Variants in CCDC198 observed in about 807,000 individuals in gnomAD.
The protein encoded by CCDC198 is factor associated with metabolism and energy.
A neutral mutation model predicts 35.6 loss-of-function variants in CCDC198; 18 were observed. That is an observed-to-expected ratio of 0.51 (90% CI 0.35 to 0.75). The LOEUF is 0.75. Ranked by LOEUF, CCDC198 falls within the 30% of genes least tolerant of loss-of-function variation. The pLI is 0.01. For synonymous variants in CCDC198, 119 were observed against 113.4 expected, an observed-to-expected ratio of 1.05 and a Z score of -0.31; for missense variants, 365 against 343.7, an observed-to-expected ratio of 1.06 and a Z score of -0.49.
rs1395195029 is a variant in CCDC198, at chr14:57,469,799, G to A, written c.*1556C>T. The stretch of plus-strand genomic sequence containing the variant: ...TTTTATCACCTGACATCTCAGGCTT[G>A]TTATCTTCTTAGTTTCTGATGTGAA... On this transcript the variant is annotated 3_prime_UTR_variant, in exon 6 of 6. Transcript: ENST00000216445. The A allele has an allele frequency of 6.6e-6, 1 of 152,154 alleles. No homozygotes were observed. The highest frequency in any genetic ancestry group is 1.5e-5 in the Non-Finnish European group (1 of 68,020). The allele number at this position is 152,154 out of a possible 1,614,324, so 9.4% of individuals were successfully genotyped here.
intron 2 of CCDC198, among the ~76,000 whole-genome samples, chr14:57,487,469 A>G (rs947767904): frequency 1.7e-4 from 26 of 152,260 alleles, no homozygotes; most frequent in African/African-American, 5.5e-4. Flanking sequence ...AGGACACACT[A>G]TATGTGTGGG....
rs1029215881 is a variant in CCDC198 at position 57,491,089 on chromosome 14, G to C, written c.224-18C>G. The C allele has an allele frequency of 6.2e-7, 1 of 1,606,198 alleles. No individual in the cohort carries two copies. Among genetic ancestry groups the C allele is most frequent in the Non-Finnish European group, 8.5e-7 (1 of 1,175,056 alleles). ...TCTGGATGCTTGAAGGATTGGGGAA[G>C]AAACAGGAATAAAACATTAAATATA... is the stretch of plus-strand genomic sequence containing the variant. On this transcript the variant is annotated intron_variant, in intron 1 of 5. Transcript: ENST00000216445.
chr14:57,477,918 G>T (rs1000941078), intron 5 of CCDC198, among the ~76,000 whole-genome samples: 1 of 152,050 alleles, frequency 6.6e-6, no homozygotes, highest in African/African-American at 2.4e-5. Context: ...AGCTGATCTC[G>T]AACCCCTGAC....
chr14:57,493,619 AG>A lies in CCDC198; in HGVS notation c.96del (p.Phe33LeufsTer80), dbSNP rs2067652063. On this transcript the variant is annotated frameshift_variant, in exon 1 of 6. Coordinates refer to ENST00000216445, the MANE Select transcript of CCDC198 (RefSeq NM_018168.4). LOFTEE classifies it high-confidence loss of function. Reference protein sequence around the residue: ...EVETPSAGRVDFAFNQNLEEK... With the variant: ...EVETPSAGRVXFAFNQNLEEK... ...TCTTCCAAATTCTGATTGAATGCAA[AG>A]TCCACACGGCCAGCCGAGGGAGTCT... The A allele has an allele frequency of 6.2e-7, 1 of 1,613,862 alleles. No homozygotes were observed. The highest frequency in any genetic ancestry group is 8.5e-7 in the Non-Finnish European group (1 of 1,179,934).
At chr14:57,473,487 C>T (rs1304445314) in intron 5 of CCDC198, among the ~76,000 whole-genome samples, 1 of 152,162 alleles carries the variant, frequency 6.6e-6, no homozygotes, top group East Asian at 1.9e-4. Context: ...TACCTGGCCT[C>T]CTTACCCTCT....
intron 2 of CCDC198, among the ~76,000 whole-genome samples, chr14:57,486,939 A>G (rs943614104): frequency 2.0e-5 from 3 of 152,158 alleles, no homozygotes; most frequent in Admixed American, 6.6e-5. Flanking sequence ...CTATTCCTTC[A>G]CAAAAGCCAC....
rs1413755497 is a variant in CCDC198 at position 57,481,051 on chromosome 14, A to G, written c.496-297T>C. On this transcript the variant is annotated intron_variant, in intron 4 of 5. Coordinates refer to ENST00000216445, the MANE Select transcript of CCDC198 (RefSeq NM_018168.4). ...TGATATGATTGGAGTTCCAGAGAGC[A>G]GTAACTAAAGGCTCATTTCCTAGAG... Among the ~76,000 whole-genome samples, 8 of 152,360 alleles carry G rather than the reference A, an allele frequency of 5.3e-5. No homozygotes were observed. The East Asian group carries it at 1.2e-3, about 22-fold the overall frequency.
intron 5 of CCDC198, chr14:57,478,995 C>A (rs1167037179): frequency 1.6e-6 from 2 of 1,289,116 alleles, no homozygotes; most frequent in Admixed American, 4.6e-5. Flanking sequence ...TGTGTGTGAA[C>A]AATATTGGAA....
intron 5 of CCDC198, chr14:57,478,641 T>C (rs1252283778): frequency 2.0e-6 from 2 of 995,612 alleles, no homozygotes; most frequent in African/African-American, 3.5e-5. Flanking sequence ...TGTCTAACTT[T>C]AGGTGAGGTT....
chr14:57,491,183 A>G (rs2067555268), intron 1 of CCDC198, 112 bp from the exon 2 acceptor site: 2 of 1,041,426 alleles, frequency 1.9e-6, no homozygotes, highest in Non-Finnish European at 2.8e-6. Flanking sequence ...CTTTTCAGTT[A>G]TATATGTCTA....
intron 1 of CCDC198, 57 bp downstream of exon 1, chr14:57,493,436 T>C (rs570711798): frequency 7.1e-7 from 1 of 1,407,252 alleles, no homozygotes; most frequent in African/African-American, 1.4e-5. Flanking sequence ...CAGATAAACC[T>C]ATTAATAATG....
intron 5 of CCDC198, among the ~76,000 whole-genome samples, chr14:57,479,475 C>G (rs2067112206): frequency 6.6e-6 from 1 of 152,120 alleles, no homozygotes; most frequent in South Asian, 2.1e-4. Flanking sequence ...GTCAGATTTG[C>G]ATTTTATGAG....
At chr14:57,477,486 T>TCAAA (rs2067040642) in intron 5 of CCDC198, among the ~76,000 whole-genome samples, 1 of 150,864 alleles carries the variant, frequency 6.6e-6, no homozygotes, top group South Asian at 2.1e-4. Context: ...CACGTGTATC[T>TCAAA]CACACACACA....
chr14:57,493,670 C>G lies in CCDC198; in HGVS notation c.46G>C (p.Ala16Pro). 6.2e-7 allele frequency: 1 copy of G among 1,613,812 alleles called. No homozygotes were observed. The highest frequency in any genetic ancestry group is 8.5e-7 in the Non-Finnish European group (1 of 1,179,886). The change falls in exon 1 of 6, where the codon GCA (alanine) becomes CCA (proline). Residue 16 changes from alanine to proline, a missense_variant. Coordinates refer to ENST00000216445, the MANE Select transcript of CCDC198 (RefSeq NM_018168.4). ...SKTHLRVIKV[A>P]PLQNKEVETP... Reference sequence around the variant, plus strand: ...TCTACCTCTTTGTTTTGCAAAGGTGCTACTTTGATCACCCTAAGGTGAGTC... The same window carrying G: ...TCTACCTCTTTGTTTTGCAAAGGTGGTACTTTGATCACCCTAAGGTGAGTC...
chr14:57,480,644 G>A lies in CCDC198; in HGVS notation c.606C>T (p.Asp202=). 1 of 1,614,132 alleles carries A rather than the reference G, an allele frequency of 6.2e-7. No homozygotes were observed. The highest frequency in any genetic ancestry group is 1.1e-5 in the South Asian group (1 of 91,068). The change falls in exon 5 of 6, where the codon GAC becomes GAT. Residue 202 remains aspartate, a synonymous_variant. Coordinates refer to ENST00000216445, the MANE Select transcript of CCDC198 (RefSeq NM_018168.4). ...KTLQSTPRND[D]HDLLTMLPDE... is the part of the protein sequence containing the mutation. ...CAGGCAACATGGTTAGAAGGTCATG[G>A]TCATCATTCCTTGGGGTGCTTTGAA...
chr14:57,489,165 C>T (rs1191610237), intron 2 of CCDC198, among the ~76,000 whole-genome samples: 1 of 152,134 alleles, frequency 6.6e-6, no homozygotes, highest in Admixed American at 6.6e-5. Flanking sequence ...AAATGTAGTA[C>T]ATATACACCA....
chr14:57,470,529 T>A lies in CCDC198; in HGVS notation c.*826A>T, dbSNP rs2066795544. On this transcript the variant is annotated 3_prime_UTR_variant, in exon 6 of 6. Transcript: ENST00000216445. ...AATTTTTGTATTTTAGTAGAGACGG[T>A]GTCTCACCATGTTGGCCAGGCTGGT... 6.6e-6 allele frequency: 1 copy of A among 152,130 alleles called. No individual in the cohort carries two copies. The highest frequency in any genetic ancestry group is 2.4e-5 in the African/African-American group (1 of 41,422). 9.4% of individuals were successfully genotyped at this position (152,130 alleles called of 1,614,324 possible). A position where few individuals can be genotyped will look rare whatever the true frequency, so the allele number is the denominator to read the frequency against.
Position 57,491,088 on chromosome 14 carries a change from A to C in CCDC198, c.224-17T>G, listed in dbSNP as rs2067550808. The C allele has an allele frequency of 1.9e-6, 3 of 1,606,842 alleles. No homozygotes were observed. In the African/African-American group the frequency reaches 4.0e-5, roughly 22 times the overall value. The stretch of plus-strand genomic sequence containing the variant: ...CTCTGGATGCTTGAAGGATTGGGGA[A>C]GAAACAGGAATAAAACATTAAATAT... On this transcript the variant is annotated splice_polypyrimidine_tract_variant and intron_variant, in intron 1 of 5. Coordinates refer to ENST00000216445, the MANE Select transcript of CCDC198 (RefSeq NM_018168.4).
chr14:57,477,325 C>T (rs1566575625), intron 5 of CCDC198, among the ~76,000 whole-genome samples: 1 of 152,208 alleles, frequency 6.6e-6, no homozygotes, highest in Non-Finnish European at 1.5e-5. Context: ...CTTTACTTCT[C>T]TTTCCAACAA....
Sources: allele counts gnomAD v4.1 joint callset (sites outside exome capture counted in the v4.1 genomes callset), GRCh38; gene constraint gnomAD v4.1.1; transcripts MANE v1.5; gene names NCBI Gene and HGNC (gene_info 2026-07-23, HGNC 2026-07-21).